Variants in CEP164 observed in about 807,000 individuals in gnomAD.
The protein encoded by CEP164 is centrosomal protein 164, also known as centrosomal protein of 164 kDa.
Under a neutral mutation model 182.7 loss-of-function variants are expected in CEP164, and 162 were observed. The observed-to-expected ratio is 0.89, with a 90% CI of 0.78 to 1.01. The LOEUF is 1.01. Ranked by LOEUF, CEP164 falls within the 50% of genes least tolerant of loss-of-function variation. The probability of loss-of-function intolerance (pLI) is 0.00; values close to 1 mark genes in which losing one functional copy is unlikely to be tolerated. For missense variants in CEP164, 1,735 were observed against 1,790.4 expected (o/e 0.97, Z 0.56); for synonymous variants, 661 against 690.0 (o/e 0.96, Z 0.66).
At position 117,412,160 on chromosome 11, in the gene CEP164, C is replaced by T. The variant is rs148650653; in HGVS notation, c.4375C>T (p.Arg1459Cys). 32 of 1,613,886 alleles carry T rather than the reference C, an allele frequency of 2.0e-5. No homozygotes were observed. The highest frequency in any genetic ancestry group is 4.4e-5 in the South Asian group (4 of 91,058). ...LDEHNRVKVY[R>C]F ...TGAGCACAACAGAGTGAAGGTGTAT[C>T]GCTTCTGAGGCCCTGAGCAGGGGCT... The change falls in exon 33 of 33, where the codon CGC becomes TGC. Residue 1459 changes from arginine to cysteine, a missense_variant. By Grantham distance (180) the Arg-to-Cys change is radical. Transcript: ENST00000278935.
intron 2 of CEP164, 21 bp from the exon 3 acceptor site, chr11:117,338,545 G>T (rs773148611): frequency 1.7e-5 from 27 of 1,556,300 alleles, no homozygotes; most frequent in Admixed American, 5.0e-5. Flanking sequence ...TTCTCTTTTG[G>T]TGGGGGCCTC....
chr11:117,397,857 G>T (rs1435176185), intron 27 of CEP164, among the ~76,000 whole-genome samples: 1 of 152,136 alleles, frequency 6.6e-6, no homozygotes, highest in Non-Finnish European at 1.5e-5. Context: ...TGGGGACACA[G>T]AGCCAAACCA....
chr11:117,368,355 G>A (rs2041867996), intron 8 of CEP164, among the ~76,000 whole-genome samples: 1 of 152,192 alleles, frequency 6.6e-6, no homozygotes, highest in African/African-American at 2.4e-5. Context: ...TGGGAGGAGA[G>A]GGTGTCTGAG....
intron 2 of CEP164, among the ~76,000 whole-genome samples, chr11:117,337,124 G>A (rs1318644957): frequency 1.3e-5 from 2 of 152,090 alleles, no homozygotes; most frequent in Non-Finnish European, 2.9e-5. Context: ...ACCGTAGACT[G>A]GGGGGCTCCA....
chr11:117,362,068 C>T, intron 6 of CEP164, 75 bp downstream of exon 6: 1 of 1,365,208 alleles, frequency 7.3e-7, no homozygotes, highest in Non-Finnish European at 1.0e-6. Flanking sequence ...GAACTATGGC[C>T]TAGGGGTGAG....
chr11:117,399,292 G>A (rs1432438359), intron 27 of CEP164, among the ~76,000 whole-genome samples: 2 of 152,138 alleles, frequency 1.3e-5, no homozygotes, highest in Non-Finnish European at 2.9e-5. Flanking sequence ...CTTCATCCAT[G>A]TCCCTACAAA....
chr11:117,345,662 C>T (rs1422102896), intron 4 of CEP164, among the ~76,000 whole-genome samples: 1 of 152,040 alleles, frequency 6.6e-6, no homozygotes, highest in East Asian at 1.9e-4. Context: ...TCTAGCTTTT[C>T]CTCATGTGGC....
chr11:117,408,783 A>C, intron 28 of CEP164, 107 bp from the exon 29 acceptor site: 2 of 1,425,568 alleles, frequency 1.4e-6, no homozygotes, highest in Non-Finnish European at 1.9e-6. Flanking sequence ...AAGACAAAAC[A>C]TAAAGAAGAA....
intron 3 of CEP164, among the ~76,000 whole-genome samples, chr11:117,339,647 GC>G (rs1290598773): frequency 6.9e-6 from 1 of 144,676 alleles, no homozygotes; most frequent in African/African-American, 2.5e-5. Context: ...TCATGCCTCA[GC>G]CTCCTGAGTA....
Position 117,411,025 on chromosome 11 carries a change from G to A in CEP164, c.4163+131G>A, listed in dbSNP as rs923006681. On this transcript the variant is annotated intron_variant, in intron 31 of 32. Transcript: ENST00000278935. The surrounding 1 kb of genome is among the most constrained non-coding windows in gnomAD (Gnocchi z 4.4). ...CCCCAAGAAATCAGGCAGGCCTCTA[G>A]TCCACAGAGCTGTCCCCGCTTGCCT... is the stretch of plus-strand genomic sequence containing the variant. The A allele has an allele frequency of 8.7e-6, 7 of 805,270 alleles. No homozygotes were observed. The Admixed American group carries it at 1.5e-4, about 17-fold the overall frequency. 49.9% of individuals were successfully genotyped at this position (805,270 alleles called of 1,614,324 possible).
At chr11:117,408,801 C>T (rs988313416) in intron 28 of CEP164, 89 bp from the exon 29 acceptor site, 5 of 1,531,502 alleles carry the variant, frequency 3.3e-6, no homozygotes, top group African/African-American at 1.4e-5. Context: ...GAACCTAGCT[C>T]AGTGTCCCAG....
intron 5 of CEP164, among the ~76,000 whole-genome samples, chr11:117,361,233 CTT>C (rs71469129): frequency 5.5e-5 from 5 of 90,192 alleles, no homozygotes; most frequent in African/African-American, 9.0e-5. Flanking sequence ...CTGCGCCTGG[CTT>C]TTTTTTTTTT....
intron 27 of CEP164, among the ~76,000 whole-genome samples, chr11:117,398,458 C>G (rs2045755311): frequency 6.6e-6 from 1 of 152,210 alleles, no homozygotes; most frequent in Non-Finnish European, 1.5e-5. Context: ...GGCAGTGCCC[C>G]AGTAGGGACT....
At position 117,409,593 on chromosome 11, in the gene CEP164, C is replaced by T; in HGVS notation, c.3749-25C>T. The T allele has an allele frequency of 1.3e-6, 2 of 1,582,686 alleles. No homozygotes were observed. Among genetic ancestry groups the T allele is most frequent in the Non-Finnish European group, 1.7e-6 (2 of 1,160,782 alleles). On this transcript the variant is annotated intron_variant, in intron 29 of 32. Coordinates refer to ENST00000278935, the MANE Select transcript of CEP164 (RefSeq NM_014956.5). This position sits in a 1 kb window ranked among gnomAD's most constrained non-coding sequence, Gnocchi z 4.4. ...CAGGGTCCTGAGCTTGAGTCCCTTC[C>T]CACCATCCACCTCTTTTCTTTCAGT...
At position 117,363,498 on chromosome 11, in the gene CEP164, G is replaced by C. The variant is rs1592171445; in HGVS notation, c.757G>C (p.Glu253Gln). ...CATTGGGGCACTGGGGGGTGACTTT[G>C]AGTATGAGGTAAGAGCCCTAATCCC... ...LDIGALGGDF[E>Q]YEESLRTSQP... The change falls in exon 8 of 33, where the codon GAG (glutamate) becomes CAG (glutamine). Residue 253 changes from glutamate (E) to glutamine (Q), a missense_variant. Transcript: ENST00000278935. The C allele has an allele frequency of 1.9e-6, 3 of 1,613,212 alleles. No individual in the cohort carries two copies. Among genetic ancestry groups the C allele is most frequent in the East Asian group, 4.5e-5 (2 of 44,896 alleles).
In CEP164 at chr11:117,338,671, A is replaced by C. The variant is rs1233562873; in HGVS notation, c.82+3A>C. Reference sequence around the variant, plus strand: ...GACCTACATTCCTAGTGAGCAAGGTAACAAGTCTGTGAAGAGGCCTGTGGT... The same window carrying C: ...GACCTACATTCCTAGTGAGCAAGGTCACAAGTCTGTGAAGAGGCCTGTGGT... On this transcript the variant is annotated splice_donor_region_variant and intron_variant, in intron 3 of 32. Transcript: ENST00000278935. The C allele has an allele frequency of 6.2e-7, 1 of 1,610,034 alleles. No individual in the cohort carries two copies. The highest frequency in any genetic ancestry group is 1.1e-5 in the South Asian group (1 of 90,990).
intron 28 of CEP164, 66 bp from the exon 29 acceptor site, chr11:117,408,824 A>G: frequency 6.3e-7 from 1 of 1,597,464 alleles, no homozygotes; most frequent in Non-Finnish European, 8.6e-7. Flanking sequence ...ACTTCCTAGG[A>G]AGGAAAAAGG....
At chr11:117,367,987 G>A (rs1382144839) in intron 8 of CEP164, among the ~76,000 whole-genome samples, 17 of 151,662 alleles carry the variant, frequency 1.1e-4, no homozygotes, top group Non-Finnish European at 1.5e-5. Context: ...TCTCCTTTTT[G>A]CAGGCTAGGA....
upstream of CEP164, among the ~76,000 whole-genome samples, chr11:117,327,546 C>T (rs1664775611): frequency 6.6e-6 from 1 of 151,416 alleles, no homozygotes; most frequent in Non-Finnish European, 1.5e-5. Flanking sequence ...AGGTGACCCA[C>T]CCGCCTCGGC....
Sources: allele counts gnomAD v4.1 joint callset (sites outside exome capture counted in the v4.1 genomes callset), GRCh38; gene constraint gnomAD v4.1.1; non-coding constraint Gnocchi (gnomAD v3.1); transcripts MANE v1.5; gene names NCBI Gene and HGNC (gene_info 2026-07-23, HGNC 2026-07-21).